The following SMARCA1 variants were observed in gnomAD, a reference collection of about 807,000 sequenced individuals.
The protein encoded by SMARCA1 is SWI/SNF-related matrix-associated actin-dependent regulator of chromatin subfamily A member 1.
A neutral mutation model predicts 93.6 loss-of-function variants in SMARCA1; 17 were observed. The observed-to-expected ratio is 0.18, with a 90% CI of 0.12 to 0.27. The LOEUF is 0.27. SMARCA1 is among the 10% of genes least tolerant of loss of function. SMARCA1 has a pLI of 1.00. For synonymous variants in SMARCA1, 271 were observed against 271.4 expected (o/e 1.00, Z 0.01); for missense variants, 630 against 819.0 (o/e 0.77, Z 2.82).
chrX:129,472,476 T>C (rs1158741583), intron 19 of SMARCA1, among the ~76,000 whole-genome samples: 1 of 111,525 alleles, frequency 9.0e-6, no homozygotes, highest in African/African-American at 3.3e-5. Context: ...AACTATATCA[T>C]TGTAACTTAA....
intron 21 of SMARCA1, among the ~76,000 whole-genome samples, chrX:129,466,577 C>T (rs191291795): frequency 3.3e-3 from 371 of 110,885 alleles, no homozygotes; most frequent in Non-Finnish European, 5.5e-3. Flanking sequence ...ATTGCTTGAA[C>T]CCGGAAAGTG....
chrX:129,491,408 T>TA (rs928652780), intron 14 of SMARCA1, among the ~76,000 whole-genome samples: 2 of 109,692 alleles, frequency 1.8e-5, no homozygotes, highest in African/African-American at 6.6e-5. Context: ...CTTTGCTCCC[T>TA]AAAAAAAAAT....
chrX:129,514,939 A>G (rs1378905767), intron 5 of SMARCA1, among the ~76,000 whole-genome samples: 1 of 111,356 alleles, frequency 9.0e-6, no homozygotes, highest in Admixed American at 9.5e-5. Context: ...AACCCCAGCT[A>G]TTCAGGAGAC....
At chrX:129,471,097 G>T in intron 20 of SMARCA1, 107 bp downstream of exon 20, 2 of 541,321 alleles carry the variant, frequency 3.7e-6, no homozygotes, top group Non-Finnish European at 2.8e-6. Context: ...GAGTTTTGTT[G>T]GTGTGTCACA....
chrX:129,476,856 A>G (rs1334099009), intron 19 of SMARCA1, among the ~76,000 whole-genome samples: 1 of 111,846 alleles, frequency 8.9e-6, no homozygotes, highest in Admixed American at 9.5e-5. Context: ...AAGATGATTA[A>G]CATGCCTGCT....
intron 23 of SMARCA1, among the ~76,000 whole-genome samples, chrX:129,451,913 C>T (rs1331519451): frequency 9.0e-6 from 1 of 111,218 alleles, no homozygotes; most frequent in African/African-American, 3.3e-5. Context: ...CCATGTTAGC[C>T]AGGATGGTCT....
intron 10 of SMARCA1, among the ~76,000 whole-genome samples, chrX:129,498,891 G>T (rs766102135): frequency 1.5e-4 from 17 of 111,899 alleles, no homozygotes; most frequent in African/African-American, 5.5e-4. Context: ...TCCCACTTAT[G>T]ATTCCTTGTG....
chrX:129,447,261 G>T (rs1932053123), intron 24 of SMARCA1, 28 bp from the exon 25 acceptor site: 1 of 1,128,278 alleles, frequency 8.9e-7, no homozygotes, highest in Non-Finnish European at 1.2e-6. Context: ...TTAATGTTCT[G>T]CTCCAATATG....
chrX:129,487,227 G>T (rs893667059), intron 16 of SMARCA1, 90 bp from the exon 17 acceptor site: 9 of 628,738 alleles, frequency 1.4e-5, no homozygotes, highest in Non-Finnish European at 2.1e-5. Flanking sequence ...GTCAGGTTTT[G>T]ACATGAAATA....
At chrX:129,487,541 C>CA (rs1224639410) in intron 16 of SMARCA1, among the ~76,000 whole-genome samples, 4 of 112,391 alleles carry the variant, frequency 3.6e-5, no homozygotes, top group Non-Finnish European at 7.5e-5. Flanking sequence ...ACCTGAACTA[C>CA]AAAATTCTTC....
At chrX:129,490,262 A>G in intron 14 of SMARCA1, 70 bp from the exon 15 acceptor site, 1 of 710,789 alleles carries the variant, frequency 1.4e-6, no homozygotes, top group African/African-American at 2.2e-5. Flanking sequence ...ATATGCTATA[A>G]AATTCTAAAA....
In SMARCA1 at chrX:129,505,970, G is replaced by A. The variant is rs2296203; in HGVS notation, c.1098+110C>T. ...TTTCCTAAGAAAACCAAAACATGCA[G>A]ATAAAAAATTACAAATTAAAAAGTA... On this transcript the variant is annotated intron_variant, in intron 8 of 24. Coordinates refer to ENST00000371121, the MANE Select transcript of SMARCA1 (RefSeq NM_001282874.2). 5,155 of 603,150 alleles carry A rather than the reference G, an allele frequency of 8.5e-3. 226 individuals carry two copies. In the East Asian group the frequency reaches 0.14, roughly 17 times the overall value. 49.7% of individuals were successfully genotyped at this position (603,150 alleles called of 1,213,427 possible).
intron 23 of SMARCA1, among the ~76,000 whole-genome samples, chrX:129,452,657 A>G (rs1309871323): frequency 1.8e-5 from 2 of 112,219 alleles, no homozygotes; most frequent in African/African-American, 3.2e-5. Context: ...CTTGTTCTGC[A>G]TATCATCGAT....
intron 17 of SMARCA1, among the ~76,000 whole-genome samples, chrX:129,483,899 T>C (rs1933787930): frequency 8.9e-6 from 1 of 112,027 alleles, no homozygotes; most frequent in Non-Finnish European, 1.9e-5. Context: ...TGATATTCTT[T>C]CAAGTTTTCA....
chrX:129,523,079 C>A, intron 1 of SMARCA1, 118 bp downstream of exon 1: 1 of 841,164 alleles, frequency 1.2e-6, no homozygotes, highest in Non-Finnish European at 1.7e-6. Flanking sequence ...GCACCCGCCG[C>A]CCCTAGCCCC....
At chrX:129,463,500 T>C (rs1056624723) in intron 23 of SMARCA1, among the ~76,000 whole-genome samples, 2 of 112,433 alleles carry the variant, frequency 1.8e-5, no homozygotes, top group South Asian at 3.7e-4. Flanking sequence ...AACTCTTCCC[T>C]ATATCCAACC....
At position 129,465,904 on chromosome X, in the gene SMARCA1, A is replaced by C; in HGVS notation, c.2757T>G (p.Ile919Met). The change falls in exon 22 of 25, where the codon ATT becomes ATG. Residue 919 changes from isoleucine to methionine, a missense_variant. Transcript: ENST00000371121. ...LQDIEKIMAQ[I>M]ERGEARIQRR... The stretch of plus-strand genomic sequence containing the variant: ...GTTGAATTCTTGCTTCTCCACGTTC[A>C]ATTTGAGCCATAATTTTCTCAATGT... 8.4e-7 allele frequency: 1 copy of C among 1,187,342 alleles called. No individual in the cohort carries two copies. Among genetic ancestry groups the C allele is most frequent in the Non-Finnish European group, 1.1e-6 (1 of 883,326 alleles).
intron 17 of SMARCA1, among the ~76,000 whole-genome samples, 155 bp downstream of exon 17, chrX:129,486,863 T>C (rs1273131197): frequency 9.0e-6 from 1 of 110,957 alleles, no homozygotes; most frequent in Admixed American, 9.7e-5. Context: ...ACCAATAAAA[T>C]AAACGAAAGA....
intron 23 of SMARCA1, among the ~76,000 whole-genome samples, chrX:129,453,325 T>C (rs1008852811): frequency 9.0e-6 from 1 of 111,380 alleles, no homozygotes; most frequent in Non-Finnish European, 1.9e-5. Context: ...GGAAACACTC[T>C]TGGAGGAAGT....
Sources: allele counts gnomAD v4.1 joint callset (sites outside exome capture counted in the v4.1 genomes callset), GRCh38; gene constraint gnomAD v4.1.1; transcripts MANE v1.5; gene names NCBI Gene and HGNC (gene_info 2026-07-23, HGNC 2026-07-21).